SEMA5A: variants seen among roughly 807,000 people sequenced by gnomAD.
SEMA5A encodes semaphorin-5A.
A neutral mutation model predicts 135.5 loss-of-function variants in SEMA5A; 55 were observed. That is an observed-to-expected ratio of 0.41 (90% CI 0.33 to 0.51). The LOEUF (loss-of-function observed/expected upper bound fraction) is 0.51, where lower values mean the gene tolerates loss of function less well. Ranked by LOEUF, SEMA5A falls within the 20% of genes least tolerant of loss-of-function variation. The probability of loss-of-function intolerance (pLI) is 0.37; values close to 1 mark genes in which losing one functional copy is unlikely to be tolerated. For missense variants in SEMA5A, 1,290 were observed against 1,419.9 expected, an observed-to-expected ratio of 0.91 and a Z score of 1.47; for synonymous variants, 580 against 546.5, an observed-to-expected ratio of 1.06 and a Z score of -0.85.
intron 18 of SEMA5A, among the ~76,000 whole-genome samples, chr5:9,055,494 T>C (rs1272622633): frequency 2.0e-5 from 3 of 152,218 alleles, no homozygotes; most frequent in Admixed American, 6.5e-5. Flanking sequence ...TTGTTTTAGC[T>C]AGAATAACTT....
chr5:9,410,520 A>G (rs901599473), intron 2 of SEMA5A, among the ~76,000 whole-genome samples: 1 of 152,192 alleles, frequency 6.6e-6, no homozygotes, highest in Non-Finnish European at 1.5e-5. Flanking sequence ...AAATAAGTAA[A>G]TACAACAATC....
intron 16 of SEMA5A, among the ~76,000 whole-genome samples, chr5:9,077,716 A>T (rs1334842886): frequency 2.0e-5 from 3 of 152,156 alleles, no homozygotes; most frequent in Non-Finnish European, 4.4e-5. Flanking sequence ...GGTAACTGAC[A>T]CCCTCACTGG....
chr5:9,277,816 C>A (rs371872853), intron 5 of SEMA5A, among the ~76,000 whole-genome samples: 3 of 151,420 alleles, frequency 2.0e-5, no homozygotes, highest in East Asian at 3.9e-4. Flanking sequence ...CAGGGGGGTG[C>A]GGGGCTAGGG....
intron 8 of SEMA5A, among the ~76,000 whole-genome samples, chr5:9,220,369 A>G (rs1254032492): frequency 6.6e-6 from 1 of 151,594 alleles, no homozygotes; most frequent in East Asian, 1.9e-4. Context: ...AAACTAAGAA[A>G]AAACAACAAA....
At chr5:9,380,713 T>G (rs562085749) in intron 2 of SEMA5A, among the ~76,000 whole-genome samples, 28 of 152,366 alleles carry the variant, frequency 1.8e-4, no homozygotes, top group Middle Eastern at 3.4e-3. Flanking sequence ...ATGAACAATT[T>G]AAATGATTAA....
At chr5:9,055,558 T>A (rs941806171) in intron 18 of SEMA5A, among the ~76,000 whole-genome samples, 3 of 152,220 alleles carry the variant, frequency 2.0e-5, no homozygotes, top group Non-Finnish European at 2.9e-5. Context: ...TGGTGTAATG[T>A]TTCTTTTTAG....
chr5:9,464,877 C>T (rs554804144), intron 1 of SEMA5A, among the ~76,000 whole-genome samples: 77 of 152,336 alleles, frequency 5.1e-4, no homozygotes, highest in African/African-American at 1.7e-3. Context: ...AGTCTCACAG[C>T]GGTCTGCAGC....
At chr5:9,324,095 G>A (rs566717890) in intron 4 of SEMA5A, among the ~76,000 whole-genome samples, 2 of 150,802 alleles carry the variant, frequency 1.3e-5, no homozygotes, top group Admixed American at 6.6e-5. Flanking sequence ...TTGAGATGGA[G>A]TCTCGCTCTT....
chr5:9,313,159 C>T lies in SEMA5A; in HGVS notation c.270+5213G>A, dbSNP rs144501303. ...GGAAAAAAGAAGAATCATTATTCAA[C>T]ATCCGCTTTCTCATCATTGTTGCTA... On this transcript the variant is annotated intron_variant, in intron 5 of 22. Transcript: ENST00000382496. Among the ~76,000 whole-genome samples, 132 of 152,296 alleles carry T rather than the reference C, an allele frequency of 8.7e-4. 1 individual carries two copies. Among genetic ancestry groups the T allele is most frequent in the African/African-American group, 3.1e-3 (128 of 41,564 alleles).
At position 9,350,364 on chromosome 5, in the gene SEMA5A, G is replaced by A. The variant is rs955087431; in HGVS notation, c.125-12552C>T. ...TAATGGGTTGACTCAGCAGGTCTGC[G>A]GTATTCAAGCCAAGCATGTTCCAAG... On this transcript the variant is annotated intron_variant, in intron 3 of 22. Coordinates refer to ENST00000382496, the MANE Select transcript of SEMA5A (RefSeq NM_003966.3). 7.2e-5 allele frequency among the ~76,000 whole-genome samples: 11 copies of A among 152,172 alleles called. No individual in the cohort carries two copies. The East Asian group carries it at 1.3e-3, about 19-fold the overall frequency.
In SEMA5A at chr5:9,037,711, C is replaced by G. The variant is rs1189222389; in HGVS notation, c.*5186G>C. The G allele has an allele frequency of 6.6e-6, 1 of 151,994 alleles. No individual in the cohort carries two copies. The highest frequency in any genetic ancestry group is 1.5e-5 in the Non-Finnish European group (1 of 67,994). The allele number at this position is 151,994 out of a possible 1,614,324, so 9.4% of individuals were successfully genotyped here. On this transcript the variant is annotated 3_prime_UTR_variant, in exon 23 of 23. Coordinates refer to ENST00000382496, the MANE Select transcript of SEMA5A (RefSeq NM_003966.3). ...ATTTTCCTTTGCTTTATTAGGTTAA[C>G]AAGCAAGGATTAAAGCAACTTATTT...
intron 8 of SEMA5A, among the ~76,000 whole-genome samples, chr5:9,224,147 T>C (rs1340810751): frequency 6.6e-6 from 1 of 152,204 alleles, no homozygotes; most frequent in East Asian, 1.9e-4. Context: ...CCTTATTAAC[T>C]GAGCCACTGA....
intron 16 of SEMA5A, among the ~76,000 whole-genome samples, chr5:9,074,219 G>A (rs1351084847): frequency 6.6e-6 from 1 of 152,126 alleles, no homozygotes; most frequent in Non-Finnish European, 1.5e-5. Context: ...GGTTTGTTTT[G>A]TAAATGTGCA....
chr5:9,289,119 T>C (rs551584580), intron 5 of SEMA5A, among the ~76,000 whole-genome samples: 2 of 152,308 alleles, frequency 1.3e-5, no homozygotes, highest in South Asian at 4.1e-4. Context: ...AGATCTGGCA[T>C]TTACTTCCAA....
At position 9,050,379 on chromosome 5, in the gene SEMA5A, C is replaced by T. The variant is rs770817411; in HGVS notation, c.2893+31G>A. On this transcript the variant is annotated intron_variant, in intron 21 of 22. Coordinates refer to ENST00000382496, the MANE Select transcript of SEMA5A (RefSeq NM_003966.3). ...AAATGATTAGAATATATCAGTACAT[C>T]CATTACAACTACTTAAAAGGAATAA... The T allele has an allele frequency of 5.7e-6, 9 of 1,577,992 alleles. No homozygotes were observed. The South Asian group carries it at 1.0e-4, about 18-fold the overall frequency.
chr5:9,071,784 T>C (rs1428607695), intron 16 of SEMA5A, among the ~76,000 whole-genome samples: 1 of 152,248 alleles, frequency 6.6e-6, no homozygotes, highest in Non-Finnish European at 1.5e-5. Flanking sequence ...TATTCTCATA[T>C]GGAATACTTA....
chr5:9,100,847 T>A (rs1739590457), intron 16 of SEMA5A, among the ~76,000 whole-genome samples: 1 of 152,198 alleles, frequency 6.6e-6, no homozygotes, highest in Non-Finnish European at 1.5e-5. Flanking sequence ...AGCCAGGATG[T>A]GCTGCCCTTT....
chr5:9,529,044 A>G (rs1737297532), intron 1 of SEMA5A, among the ~76,000 whole-genome samples: 1 of 152,214 alleles, frequency 6.6e-6, no homozygotes, highest in African/African-American at 2.4e-5. Context: ...TAGGCAGAAG[A>G]GCTGCCTTTT....
chr5:9,364,474 G>C (rs1029000321), intron 3 of SEMA5A, among the ~76,000 whole-genome samples: 1 of 152,044 alleles, frequency 6.6e-6, no homozygotes, highest in Admixed American at 6.6e-5. Context: ...CATCCTAATA[G>C]GATTTTAAAG....
Sources: allele counts gnomAD v4.1 joint callset (sites outside exome capture counted in the v4.1 genomes callset), GRCh38; gene constraint gnomAD v4.1.1; transcripts MANE v1.5; gene names NCBI Gene and HGNC (gene_info 2026-07-23, HGNC 2026-07-21).